Variants in IFFO2 observed in about 807,000 individuals in gnomAD.
IFFO2 encodes intermediate filament family orphan 2.
In IFFO2, 19 loss-of-function variants were observed where a neutral mutation model predicts 53.5. The ratio of observed to expected loss-of-function variants is 0.36; its 90% confidence interval spans 0.25 to 0.52. The LOEUF (loss-of-function observed/expected upper bound fraction) is 0.52, where lower values mean the gene tolerates loss of function less well. Ranked by LOEUF, IFFO2 falls within the 20% of genes least tolerant of loss-of-function variation. IFFO2 has a pLI of 0.94. For synonymous variants in IFFO2, 303 were observed against 313.6 expected (o/e 0.97, Z 0.36); for missense variants, 570 against 727.4 (o/e 0.78, Z 2.49).
chr1:18,937,539 G>A (rs756075209), intron 1 of IFFO2, among the ~76,000 whole-genome samples: 1 of 152,206 alleles, frequency 6.6e-6, no homozygotes, highest in Non-Finnish European at 1.5e-5. Context: ...GGGCTGGAGA[G>A]AGAAGTCAGT....
At chr1:18,939,451 G>A (rs921383693) in intron 1 of IFFO2, among the ~76,000 whole-genome samples, 46 of 152,210 alleles carry the variant, frequency 3.0e-4, no homozygotes, top group African/African-American at 1.1e-3. Context: ...ACCTCTCTGG[G>A]CCTCAGTTTC....
At chr1:18,924,664 C>T (rs1936257950) in intron 1 of IFFO2, among the ~76,000 whole-genome samples, 1 of 152,174 alleles carries the variant, frequency 6.6e-6, no homozygotes, top group Admixed American at 6.5e-5. Flanking sequence ...TACGCCCGGG[C>T]CCTTTAAGGC....
At position 18,918,978 on chromosome 1, in the gene IFFO2, T is replaced by C. The variant is rs1340156708; in HGVS notation, c.823-476A>G. 6.6e-6 allele frequency among the ~76,000 whole-genome samples: 1 copy of C among 152,040 alleles called. No homozygotes were observed. The highest frequency in any genetic ancestry group is 1.5e-5 in the Non-Finnish European group (1 of 67,992). ...ACAAGTGAGAGGGAGCCCAGTGGCC[T>C]CCAACTAGGGTCCTGGGAGGCTTCT... On this transcript the variant is annotated intron_variant, in intron 3 of 8. Transcript: ENST00000455833. This position sits in a 1 kb window ranked among gnomAD's most constrained non-coding sequence, Gnocchi z 5.2.
intron 1 of IFFO2, among the ~76,000 whole-genome samples, chr1:18,929,729 C>A (rs1936350725): frequency 6.6e-6 from 1 of 152,180 alleles, no homozygotes; most frequent in Non-Finnish European, 1.5e-5. Context: ...AGCCACACAC[C>A]CCTTCAGGCA....
At chr1:18,915,941 G>C (rs1317176459) in intron 5 of IFFO2, among the ~76,000 whole-genome samples, 1 of 151,788 alleles carries the variant, frequency 6.6e-6, no homozygotes, top group African/African-American at 2.4e-5. Context: ...CCTGGCCAAC[G>C]TGGTAAAACC....
Position 18,918,347 on chromosome 1 carries a change from G to A in IFFO2, c.963+15C>T, listed in dbSNP as rs1050312649. On this transcript the variant is annotated intron_variant, in intron 4 of 8. Transcript: ENST00000455833. This position sits in a 1 kb window ranked among gnomAD's most constrained non-coding sequence, Gnocchi z 5.2. Reference sequence around the variant, plus strand: ...GAGTGGGGGGTTGGCTGGTGAGCAGGGCAGCCCTAGTCACCTGGAAGATCT... The same window carrying A: ...GAGTGGGGGGTTGGCTGGTGAGCAGAGCAGCCCTAGTCACCTGGAAGATCT... 7 of 1,549,088 alleles carry A rather than the reference G, an allele frequency of 4.5e-6. No homozygotes were observed. The highest frequency in any genetic ancestry group is 4.9e-5 in the East Asian group (2 of 40,844).
At chr1:18,935,026 T>C (rs1382649945) in intron 1 of IFFO2, among the ~76,000 whole-genome samples, 2 of 152,168 alleles carry the variant, frequency 1.3e-5, no homozygotes, top group African/African-American at 2.4e-5. Context: ...TAAAGAGCCA[T>C]GTGTGACGTG....
chr1:18,952,436 T>C (rs1484455127), intron 1 of IFFO2, among the ~76,000 whole-genome samples: 1 of 152,226 alleles, frequency 6.6e-6, no homozygotes, highest in African/African-American at 2.4e-5. Context: ...GGTATACAGT[T>C]GACGTTTTAA....
intron 1 of IFFO2, among the ~76,000 whole-genome samples, chr1:18,927,285 G>C (rs927135311): frequency 1.3e-5 from 2 of 152,226 alleles, no homozygotes; most frequent in Admixed American, 1.3e-4. Context: ...GCGAGCGGCC[G>C]GCACGCCTAG....
In IFFO2 at chr1:18,945,386, G is replaced by A. The variant is rs186268478; in HGVS notation, c.665+10282C>T. The stretch of plus-strand genomic sequence containing the variant: ...GGGTGCCAACGGGCCCTGGGAAGAT[G>A]GGCTGACCCTATACAGAGAGGAGCC... On this transcript the variant is annotated intron_variant, in intron 1 of 8. Transcript: ENST00000455833. Among the ~76,000 whole-genome samples the A allele has an allele frequency of 6.2e-3, 950 of 152,306 alleles. 2 individuals carry two copies. Among genetic ancestry groups the A allele is most frequent in the Non-Finnish European group, 0.01 (713 of 68,030 alleles).
chr1:18,908,181 T>C lies in IFFO2; in HGVS notation c.*380A>G, dbSNP rs1259144442. 8.7e-6 allele frequency: 2 copies of C among 229,314 alleles called. No individual in the cohort carries two copies. The highest frequency in any genetic ancestry group is 4.9e-5 in the Admixed American group (1 of 20,414). The allele number at this position is 229,314 out of a possible 1,614,324, so 14.2% of individuals were successfully genotyped here. On this transcript the variant is annotated 3_prime_UTR_variant, in exon 9 of 9. Transcript: ENST00000455833. Reference sequence around the variant, plus strand: ...AGAAACCACATTACACCACGGCCGGTTGGCCCGGCCCTCAGCTTAGAGTTC... The same window carrying C: ...AGAAACCACATTACACCACGGCCGGCTGGCCCGGCCCTCAGCTTAGAGTTC...
intron 7 of IFFO2, 90 bp from the exon 8 acceptor site, chr1:18,910,562 T>C: frequency 6.8e-7 from 1 of 1,478,496 alleles, no homozygotes; most frequent in Non-Finnish European, 9.2e-7. Context: ...TCCTCAGGGA[T>C]GGTGCCATCA....
Position 18,918,802 on chromosome 1 carries a change from GA to G in IFFO2, c.823-301del, listed in dbSNP as rs1470696665. ...TCCGTGTTCACTTTGTTAGAGCGAA[GA>G]AAAAAGACAACTCCCGCTGGAGAAA... On this transcript the variant is annotated intron_variant, in intron 3 of 8. Transcript: ENST00000455833. The surrounding 1 kb of genome is among the most constrained non-coding windows in gnomAD (Gnocchi z 5.2). Among the ~76,000 whole-genome samples the G allele has an allele frequency of 6.6e-6, 1 of 152,046 alleles. No homozygotes were observed. Among genetic ancestry groups the G allele is most frequent in the Admixed American group, 6.5e-5 (1 of 15,274 alleles).
chr1:18,940,556 GACAA>G (rs889410076), intron 1 of IFFO2, among the ~76,000 whole-genome samples: 3 of 145,218 alleles, frequency 2.1e-5, no homozygotes, highest in Non-Finnish European at 4.5e-5. Flanking sequence ...CAGACTGATG[GACAA>G]ACGGATGGAT....
chr1:18,915,826 C>A (rs1172236669), intron 5 of IFFO2, among the ~76,000 whole-genome samples: 1 of 152,168 alleles, frequency 6.6e-6, no homozygotes, highest in Non-Finnish European at 1.5e-5. Flanking sequence ...TTAAGGTCTG[C>A]TCAAGAACGG....
intron 1 of IFFO2, among the ~76,000 whole-genome samples, chr1:18,940,720 C>T (rs1168786337): frequency 6.6e-6 from 1 of 152,204 alleles, no homozygotes; most frequent in African/African-American, 2.4e-5. Flanking sequence ...CACCTGCCCA[C>T]AAGGCCTCCC....
intron 1 of IFFO2, among the ~76,000 whole-genome samples, chr1:18,951,384 G>T (rs1386896113): frequency 6.6e-6 from 1 of 152,016 alleles, no homozygotes; most frequent in Admixed American, 6.6e-5. Context: ...CAGGCACCAG[G>T]AAAAAAAGAA....
chr1:18,952,772 T>C (rs1460321805), intron 1 of IFFO2, among the ~76,000 whole-genome samples: 1 of 152,182 alleles, frequency 6.6e-6, no homozygotes, highest in Non-Finnish European at 1.5e-5. Context: ...AAAACGGGAT[T>C]GTGGTAATGA....
intron 1 of IFFO2, among the ~76,000 whole-genome samples, chr1:18,941,402 C>T (rs1456878164): frequency 6.6e-6 from 1 of 152,230 alleles, no homozygotes; most frequent in African/African-American, 2.4e-5. Flanking sequence ...GCCTTTGTCT[C>T]ACAGATGAAA....
Sources: gnomAD v4.1 joint callset for allele counts (sites outside exome capture counted in the v4.1 genomes callset) on GRCh38, gnomAD v4.1.1 for gene constraint, Gnocchi (gnomAD v3.1) non-coding constraint, MANE v1.5 for transcripts, NCBI Gene and HGNC (gene_info 2026-07-23, HGNC 2026-07-21) for gene names.